SPOCK1: variants seen among roughly 807,000 people sequenced by gnomAD.
SPOCK1 encodes SPARC (osteonectin), cwcv and kazal like domains proteoglycan 1, also known as testican-1.
Under a neutral mutation model 55.3 loss-of-function variants are expected in SPOCK1, and 23 were observed. That is an observed-to-expected ratio of 0.42 (90% CI 0.30 to 0.59). SPOCK1 has a LOEUF of 0.59. Among genes scored for constraint, SPOCK1 ranks in the 20% least tolerant of loss-of-function variants. The probability of loss-of-function intolerance (pLI) is 0.22; values close to 1 mark genes in which losing one functional copy is unlikely to be tolerated. For synonymous variants in SPOCK1, 226 were observed against 221.0 expected, an observed-to-expected ratio of 1.02 and a Z score of -0.20; for missense variants, 499 against 552.5, an observed-to-expected ratio of 0.90 and a Z score of 0.97.
rs188808433 is a variant in SPOCK1, at chr5:137,038,793, T to A, written c.589+28922A>T. 3.5e-3 allele frequency among the ~76,000 whole-genome samples: 534 copies of A among 152,370 alleles called. 4 individuals are homozygous for A. The highest frequency in any genetic ancestry group is 0.017 in the Middle Eastern group (5 of 294). On this transcript the variant is annotated intron_variant, in intron 6 of 10. Coordinates refer to ENST00000394945, the MANE Select transcript of SPOCK1 (RefSeq NM_004598.4). ...TCACAAATTGCATTGCTTATTTTTA[T>A]ATTTATTAATGAAATTTAATAAATT...
intron 6 of SPOCK1, among the ~76,000 whole-genome samples, chr5:137,002,831 T>C (rs553102265): frequency 6.6e-6 from 1 of 152,182 alleles, no homozygotes; most frequent in African/African-American, 2.4e-5. Context: ...TAGGTGATAA[T>C]GCCTAATTCC....
chr5:136,992,345 C>CT (rs1377745753), intron 7 of SPOCK1, 139 bp downstream of exon 7: 66 of 706,954 alleles, frequency 9.3e-5, no homozygotes, highest in Middle Eastern at 3.5e-4. Flanking sequence ...TTTAATCCAA[C>CT]TTTTTTTTGA....
chr5:137,228,130 A>G (rs527556623), intron 3 of SPOCK1, among the ~76,000 whole-genome samples: 30 of 152,320 alleles, frequency 2.0e-4, no homozygotes, highest in African/African-American at 6.7e-4. Flanking sequence ...TGAATGACTT[A>G]AGCCCCAGGA....
chr5:137,275,172 G>A (rs1313223484), intron 2 of SPOCK1, among the ~76,000 whole-genome samples: 4 of 152,194 alleles, frequency 2.6e-5, no homozygotes, highest in South Asian at 2.1e-4. Flanking sequence ...CTTATAGCAC[G>A]TAAACCTTCA....
intron 3 of SPOCK1, among the ~76,000 whole-genome samples, chr5:137,227,014 T>C (rs2127091131): frequency 6.6e-6 from 1 of 152,354 alleles, no homozygotes; most frequent in South Asian, 2.1e-4. Flanking sequence ...CTTCCTCTGT[T>C]ATCCATCTGC....
chr5:137,148,684 G>A (rs1463533847), intron 3 of SPOCK1, among the ~76,000 whole-genome samples: 1 of 152,172 alleles, frequency 6.6e-6, no homozygotes, highest in Admixed American at 6.5e-5. Flanking sequence ...ATAGAATAAT[G>A]TACTATTATC....
chr5:137,475,568 C>CTTTATTTATTTATTTATTTA (rs34929130), intron 2 of SPOCK1, among the ~76,000 whole-genome samples: 2 of 150,002 alleles, frequency 1.3e-5, no homozygotes, highest in Admixed American at 6.7e-5. Context: ...CCTAAAGTAT[C>CTTTATTTATTTATTTATTTA]TTTATTTATT....
intron 2 of SPOCK1, among the ~76,000 whole-genome samples, chr5:137,463,349 C>A (rs1362184946): frequency 6.6e-6 from 1 of 152,204 alleles, no homozygotes; most frequent in Non-Finnish European, 1.5e-5. Context: ...GAGATTCTGT[C>A]ATTTGCAACA....
intron 3 of SPOCK1, among the ~76,000 whole-genome samples, chr5:137,254,878 T>C (rs985790361): frequency 6.6e-6 from 1 of 152,234 alleles, no homozygotes; most frequent in African/African-American, 2.4e-5. Context: ...ATGCTTCCAT[T>C]AATTGAAAGC....
intron 2 of SPOCK1, among the ~76,000 whole-genome samples, chr5:137,420,675 A>G (rs1237882360): frequency 6.6e-6 from 1 of 151,648 alleles, no homozygotes; most frequent in Non-Finnish European, 1.5e-5. Context: ...TGTCTATTTG[A>G]TTCTTCTCTC....
intron 2 of SPOCK1, among the ~76,000 whole-genome samples, chr5:137,429,055 A>G (rs373980528): frequency 4.6e-5 from 7 of 152,224 alleles, no homozygotes; most frequent in African/African-American, 1.7e-4. Flanking sequence ...CTTTGGATAA[A>G]TACCAAAATT....
At chr5:137,193,975 G>GC (rs1369165908) in intron 3 of SPOCK1, among the ~76,000 whole-genome samples, 2,223 of 152,266 alleles carry the variant, frequency 0.015, 63 homozygotes, top group African/African-American at 0.051. Context: ...CAATCATGTA[G>GC]GTAACCTATC....
intron 6 of SPOCK1, among the ~76,000 whole-genome samples, chr5:137,007,732 G>A (rs6867838): frequency 0.36 from 55,133 of 151,998 alleles, 11,549 homozygotes; most frequent in South Asian, 0.53. Flanking sequence ...ACAATGTGGC[G>A]ATTCCTCAAG....
At chr5:137,181,040 C>T (rs576031245) in intron 3 of SPOCK1, among the ~76,000 whole-genome samples, 1 of 152,264 alleles carries the variant, frequency 6.6e-6, no homozygotes, top group East Asian at 1.9e-4. Flanking sequence ...GTTCAAGGGC[C>T]TTCTAGTCTG....
At chr5:137,445,333 G>A (rs1177232816) in intron 2 of SPOCK1, among the ~76,000 whole-genome samples, 1 of 152,206 alleles carries the variant, frequency 6.6e-6, no homozygotes, top group Non-Finnish European at 1.5e-5. Flanking sequence ...CATTGCATTA[G>A]GAAGCTGCAT....
At chr5:137,052,334 A>G (rs1752222419) in intron 6 of SPOCK1, among the ~76,000 whole-genome samples, 1 of 152,216 alleles carries the variant, frequency 6.6e-6, no homozygotes. Context: ...AATCCCTGCT[A>G]AGAAAGCTAC....
At chr5:137,360,446 CA>C (rs1240059862) in intron 2 of SPOCK1, among the ~76,000 whole-genome samples, 1 of 152,198 alleles carries the variant, frequency 6.6e-6, no homozygotes, top group Non-Finnish European at 1.5e-5. Flanking sequence ...GCTGAACCTT[CA>C]AAAGGCAAGA....
At chr5:137,028,089 G>A (rs753049741) in intron 6 of SPOCK1, among the ~76,000 whole-genome samples, 1 of 152,188 alleles carries the variant, frequency 6.6e-6, no homozygotes, top group Non-Finnish European at 1.5e-5. Flanking sequence ...CACCTCTTGT[G>A]CTCCACTCTT....
intron 2 of SPOCK1, among the ~76,000 whole-genome samples, chr5:137,300,020 T>C (rs1425500956): frequency 1.3e-5 from 2 of 152,196 alleles, no homozygotes; most frequent in African/African-American, 2.4e-5. Context: ...TTCTCTGGGA[T>C]TCCTATTACA....
Sources: gnomAD v4.1 joint callset for allele counts (sites outside exome capture counted in the v4.1 genomes callset) on GRCh38, gnomAD v4.1.1 for gene constraint, MANE v1.5 for transcripts, NCBI Gene and HGNC (gene_info 2026-07-23, HGNC 2026-07-21) for gene names.